Variants in LDB2 observed in about 807,000 individuals in gnomAD.
LDB2 encodes LIM domain-binding protein 2.
LDB2 carries 12 observed loss-of-function variants against 44.3 expected under a neutral mutation model. That is an observed-to-expected ratio of 0.27 (90% CI 0.17 to 0.44). The LOEUF (loss-of-function observed/expected upper bound fraction) is 0.44. Among genes scored for constraint, LDB2 ranks in the 20% least tolerant of loss-of-function variants. The probability of loss-of-function intolerance (pLI) is 1.00; values close to 1 mark genes in which losing one functional copy is unlikely to be tolerated. For missense variants in LDB2, 344 were observed against 473.5 expected, an observed-to-expected ratio of 0.73 and a Z score of 2.54; for synonymous variants, 164 against 174.8, an observed-to-expected ratio of 0.94 and a Z score of 0.49.
chr4:16,503,070 A>G (rs1295332920), intron 7 of LDB2, 197 bp from the exon 8 acceptor site: 14 of 1,538,414 alleles, frequency 9.1e-6, no homozygotes, highest in Non-Finnish European at 1.2e-5. Flanking sequence ...ATGTGTAACA[A>G]CCACGCGAGT....
intron 1 of LDB2, among the ~76,000 whole-genome samples, chr4:16,809,884 A>T (rs1389726765): frequency 6.6e-6 from 1 of 152,198 alleles, no homozygotes; most frequent in Admixed American, 6.5e-5. Context: ...ATTTATAAGA[A>T]ATCTACAGGC....
intron 1 of LDB2, among the ~76,000 whole-genome samples, chr4:16,871,621 C>CTTTT (rs369989468): frequency 5.4e-4 from 68 of 124,816 alleles, no homozygotes; most frequent in Admixed American, 1.3e-3. Flanking sequence ...ACCACTCTTT[C>CTTTT]TTTTTTTTTT....
At chr4:16,745,647 A>C (rs193170795) in intron 2 of LDB2, among the ~76,000 whole-genome samples, 143 of 152,302 alleles carry the variant, frequency 9.4e-4, no homozygotes, top group African/African-American at 3.4e-3. Flanking sequence ...TGCGTTAAGA[A>C]AGAAAATTTA....
chr4:16,632,801 G>A (rs1732373421), intron 2 of LDB2, among the ~76,000 whole-genome samples: 1 of 152,186 alleles, frequency 6.6e-6, no homozygotes, highest in Non-Finnish European at 1.5e-5. Context: ...GTGCTGGAGA[G>A]GATGTGGAGA....
intron 5 of LDB2, among the ~76,000 whole-genome samples, chr4:16,559,359 G>A (rs1292216657): frequency 3.9e-5 from 6 of 152,130 alleles, no homozygotes; most frequent in East Asian, 1.9e-4. Context: ...AAAATAAAAG[G>A]ATGGAGGAAG....
chr4:16,871,814 GT>G (rs1215101741), intron 1 of LDB2, among the ~76,000 whole-genome samples: 1 of 151,976 alleles, frequency 6.6e-6, no homozygotes, highest in African/African-American at 2.4e-5. Flanking sequence ...TAGAGAAGGG[GT>G]TTTGCCATGT....
At chr4:16,892,083 T>A (rs1723577459) in intron 1 of LDB2, among the ~76,000 whole-genome samples, 1 of 152,212 alleles carries the variant, frequency 6.6e-6, no homozygotes, top group Non-Finnish European at 1.5e-5. Context: ...TATTCATACT[T>A]GCCCAACAGA....
chr4:16,786,725 A>G (rs1296159442), intron 1 of LDB2, among the ~76,000 whole-genome samples: 1 of 152,156 alleles, frequency 6.6e-6, no homozygotes, highest in East Asian at 1.9e-4. Context: ...CCAACCTCTC[A>G]GTGTCAATAT....
intron 2 of LDB2, 34 bp from the exon 3 acceptor site, chr4:16,595,909 C>G: frequency 8.1e-6 from 13 of 1,598,784 alleles, no homozygotes; most frequent in Non-Finnish European, 1.1e-5. Flanking sequence ...AAACCATTAA[C>G]AAAAATATCC....
chr4:16,757,311 G>A (rs533291083), intron 2 of LDB2, among the ~76,000 whole-genome samples: 7 of 152,292 alleles, frequency 4.6e-5, no homozygotes, highest in African/African-American at 1.7e-4. Flanking sequence ...GCTCAAGACC[G>A]TCAATCATCT....
intron 2 of LDB2, among the ~76,000 whole-genome samples, chr4:16,640,129 T>C (rs933578439): frequency 2.6e-5 from 4 of 152,258 alleles, no homozygotes; most frequent in African/African-American, 9.6e-5. Flanking sequence ...GTAGTAGTTA[T>C]GTCAGTTGGA....
intron 2 of LDB2, among the ~76,000 whole-genome samples, chr4:16,732,932 T>C (rs1761061158): frequency 6.6e-6 from 1 of 152,158 alleles, no homozygotes; most frequent in South Asian, 2.1e-4. Flanking sequence ...GGCTGACTCT[T>C]TAAGGTCGGG....
rs200636866 is a variant in LDB2 at position 16,829,414 on chromosome 4, CAGA to C, written c.132+68937_132+68939del. Reference sequence around the variant, plus strand: ...CAAAAGAAAGAGACAATGCAGAAAGCAGAAGAAAACTTTTATTTGAAAACACAA... The same window carrying C: ...CAAAAGAAAGAGACAATGCAGAAAGCAGAAAACTTTTATTTGAAAACACAA... On this transcript the variant is annotated intron_variant, in intron 1 of 7. Transcript: ENST00000304523. Among the ~76,000 whole-genome samples, 662 of 152,218 alleles carry C rather than the reference CAGA, an allele frequency of 4.3e-3. 4 individuals carry two copies. The highest frequency in any genetic ancestry group is 0.015 in the African/African-American group (638 of 41,538).
At chr4:16,827,092 C>A (rs940074373) in intron 1 of LDB2, among the ~76,000 whole-genome samples, 1 of 152,176 alleles carries the variant, frequency 6.6e-6, no homozygotes, top group Non-Finnish European at 1.5e-5. Context: ...ATCATTACAT[C>A]CTGCCACACT....
chr4:16,631,806 A>G (rs1257102475), intron 2 of LDB2, among the ~76,000 whole-genome samples: 1 of 152,166 alleles, frequency 6.6e-6, no homozygotes, highest in Non-Finnish European at 1.5e-5. Flanking sequence ...TGCTACAAAC[A>G]CCTCTACGCA....
intron 1 of LDB2, among the ~76,000 whole-genome samples, chr4:16,775,552 C>T (rs150260): frequency 0.85 from 129,412 of 152,160 alleles, 55,770 homozygotes; most frequent in Middle Eastern, 0.95. Context: ...TAAGCATCAA[C>T]AATTGTTATC....
intron 1 of LDB2, among the ~76,000 whole-genome samples, chr4:16,763,109 ACACACACACG>A (rs1768307948): frequency 1.6e-5 from 2 of 127,400 alleles, no homozygotes; most frequent in African/African-American, 5.7e-5. Context: ...ACACACACAC[ACACACACACG>A]TAATTGGTTT....
intron 1 of LDB2, among the ~76,000 whole-genome samples, chr4:16,843,783 A>G (rs207712): frequency 1 from 151,786 of 152,082 alleles, 75,746 homozygotes; most frequent in Middle Eastern, 1. Flanking sequence ...CACCACGCCC[A>G]GCTAATTTTT....
intron 5 of LDB2, among the ~76,000 whole-genome samples, chr4:16,551,117 G>A (rs1167264795): frequency 6.6e-6 from 1 of 152,178 alleles, no homozygotes; most frequent in Non-Finnish European, 1.5e-5. Context: ...AATGATGCAA[G>A]TAATGGTAAT....
Sources: gnomAD v4.1 joint callset for allele counts (sites outside exome capture counted in the v4.1 genomes callset) on GRCh38, gnomAD v4.1.1 for gene constraint, MANE v1.5 for transcripts, NCBI Gene and HGNC (gene_info 2026-07-23, HGNC 2026-07-21) for gene names.